Variants in KCNH3 observed in about 807,000 individuals in gnomAD.
KCNH3 encodes potassium voltage-gated channel subfamily H member 3, also known as voltage-gated inwardly rectifying potassium channel KCNH3.
A neutral mutation model predicts 95.6 loss-of-function variants in KCNH3; 36 were observed. That is an observed-to-expected ratio of 0.38 (90% confidence interval 0.29 to 0.50). The LOEUF is 0.50. Ranked by LOEUF, KCNH3 falls within the 20% of genes least tolerant of loss-of-function variation. KCNH3 has a pLI of 0.95. For synonymous variants in KCNH3, 620 were observed against 646.3 expected (o/e 0.96, Z 0.62); for missense variants, 1,030 against 1,484.1 (o/e 0.69, Z 5.03).
intron 2 of KCNH3, among the ~76,000 whole-genome samples, chr12:49,541,428 G>C (rs1259465328): frequency 1.3e-5 from 2 of 152,230 alleles, no homozygotes; most frequent in Admixed American, 1.3e-4. Context: ...CGACAGGTCT[G>C]ACCGTCATGT....
intron 7 of KCNH3, among the ~76,000 whole-genome samples, chr12:49,547,061 A>AT (rs1938087050): frequency 6.6e-6 from 1 of 151,840 alleles, no homozygotes; most frequent in Non-Finnish European, 1.5e-5. Context: ...TGCCTGGCTA[A>AT]TTTTTATATT....
rs762171007 is a variant in KCNH3, at chr12:49,540,987, C to T, written c.165C>T (p.Phe55=). ...CSDGFCDLTG[F]SRAEVMQRGC... ...ATGGCTTCTGTGACCTCACGGGCTT[C>T]TCCCGGGCTGAGGTCATGCAGCGGG... The change falls in exon 2 of 15, where the codon TTC becomes TTT. Residue 55 remains phenylalanine (F), a synonymous_variant. Coordinates refer to ENST00000257981, the MANE Select transcript of KCNH3 (RefSeq NM_012284.3). 6.2e-7 allele frequency: 1 copy of T among 1,614,178 alleles called. No homozygotes were observed. The highest frequency in any genetic ancestry group is 8.5e-7 in the Non-Finnish European group (1 of 1,180,028).
intron 2 of KCNH3, 124 bp from the exon 3 acceptor site, chr12:49,541,506 C>A: frequency 8.6e-7 from 1 of 1,162,142 alleles, no homozygotes; most frequent in Non-Finnish European, 1.2e-6. Context: ...GACTGCCAGC[C>A]CTTCCCCCAG....
chr12:49,549,019 G>C lies in KCNH3; in HGVS notation c.1314G>C (p.Thr438=). The C allele has an allele frequency of 6.2e-7, 1 of 1,611,834 alleles. No individual in the cohort carries two copies. Among genetic ancestry groups the C allele is most frequent in the Non-Finnish European group, 8.5e-7 (1 of 1,179,568 alleles). The change falls in exon 8 of 15, where the codon ACG becomes ACC. Residue 438 remains threonine (T), a synonymous_variant. Coordinates refer to ENST00000257981, the MANE Select transcript of KCNH3 (RefSeq NM_012284.3). ...GCAGCAGCAGCGAGGCCAACGGGAC[G>C]GGGCTGGAGCTGCTGGGCGGCCCGT... ...NCSSSSEANG[T]GLELLGGPSL...
intron 7 of KCNH3, among the ~76,000 whole-genome samples, chr12:49,545,409 T>A (rs1266273367): frequency 1.6e-4 from 24 of 147,208 alleles, no homozygotes; most frequent in Admixed American, 1.3e-3. Context: ...GTGGCTTTTT[T>A]TTTTTTTTTT....
Position 49,557,780 on chromosome 12 carries a change from A to C in KCNH3, c.3079A>C (p.Thr1027Pro). ...TCCTCCTTCTGAGGAAGGGGCTAGG[A>C]CTGGGCCCGCAGAGCCTGTGAGCCA... ...SPPPSEEGAR[T>P]GPAEPVSQAE... Residue 1027 changes from threonine (T) to proline (P), a missense_variant, in exon 15 of 15, where the codon ACT (threonine) becomes CCT (proline). Coordinates refer to ENST00000257981, the MANE Select transcript of KCNH3 (RefSeq NM_012284.3). The C allele has an allele frequency of 6.2e-7, 1 of 1,610,134 alleles. No individual in the cohort carries two copies. The highest frequency in any genetic ancestry group is 8.5e-7 in the Non-Finnish European group (1 of 1,177,786).
intron 13 of KCNH3, 62 bp from the exon 14 acceptor site, chr12:49,557,120 AC>A: frequency 6.6e-7 from 1 of 1,505,646 alleles, no homozygotes; most frequent in Non-Finnish European, 9.2e-7. Flanking sequence ...CAAGGCCTAG[AC>A]CCCCAAATTG....
Position 49,550,091 on chromosome 12 carries a change from C to T in KCNH3, c.1680C>T (p.Ser560=). The T allele has an allele frequency of 6.4e-7, 1 of 1,567,158 alleles. No individual in the cohort carries two copies. Among genetic ancestry groups the T allele is most frequent in the Non-Finnish European group, 8.7e-7 (1 of 1,151,914 alleles). Residue 560 remains serine (S), a synonymous_variant, in exon 10 of 15, where the codon AGC becomes AGT. Coordinates refer to ENST00000257981, the MANE Select transcript of KCNH3 (RefSeq NM_012284.3). ...CTGCTCACCTGCAGCTGCTGCAGAGCCTCCCTGACGAGCTGCGCGCAGACA... is the reference window on the plus strand; with the variant it reads ...CTGCTCACCTGCAGCTGCTGCAGAGTCTCCCTGACGAGCTGCGCGCAGACA... ...NGIDTTELLQ[S]LPDELRADIA...
rs1937802104 is a variant in KCNH3 at position 49,539,653 on chromosome 12, G to T, written c.76+161G>T. On this transcript the variant is annotated intron_variant, in intron 1 of 14. Transcript: ENST00000257981. This position sits in a 1 kb window ranked among gnomAD's most constrained non-coding sequence, Gnocchi z 6.7. ...CTGGGGCCATCGTCTCCTGCTAGGCGCTGTTTCCCCGAAGGTTCGAAGGTT... is the reference window on the plus strand; with the variant it reads ...CTGGGGCCATCGTCTCCTGCTAGGCTCTGTTTCCCCGAAGGTTCGAAGGTT... Among the ~76,000 whole-genome samples the T allele has an allele frequency of 6.6e-6, 1 of 152,136 alleles. No homozygotes were observed.
Position 49,539,370 on chromosome 12 carries a change from G to C in KCNH3, c.-47G>C. On this transcript the variant is annotated 5_prime_UTR_variant, in exon 1 of 15. Transcript: ENST00000257981. This position sits in a 1 kb window ranked among gnomAD's most constrained non-coding sequence, Gnocchi z 6.7. ...GCTGGGCGCCCTCCCCCGGCGCGGAGTCCCCGCACCCCGGAGGGATGGGGC... is the reference window on the plus strand; with the variant it reads ...GCTGGGCGCCCTCCCCCGGCGCGGACTCCCCGCACCCCGGAGGGATGGGGC... The C allele has an allele frequency of 7.4e-7, 1 of 1,342,762 alleles. No homozygotes were observed. Among genetic ancestry groups the C allele is most frequent in the South Asian group, 1.7e-5 (1 of 60,412 alleles). The allele number at this position is 1,342,762 out of a possible 1,614,324, so 83.2% of individuals were successfully genotyped here.
intron 5 of KCNH3, 22 bp from the exon 6 acceptor site, chr12:49,543,893 C>A: frequency 6.3e-7 from 1 of 1,595,668 alleles, no homozygotes; most frequent in East Asian, 2.3e-5. Context: ...CCAGTGCTGA[C>A]TCCCACCCGG....
At chr12:49,547,194 T>C (rs1938091157) in intron 7 of KCNH3, among the ~76,000 whole-genome samples, 1 of 152,116 alleles carries the variant, frequency 6.6e-6, no homozygotes, top group Admixed American at 6.5e-5. Context: ...CACCCAACCA[T>C]GTACTCCACT....
At chr12:49,553,313 C>CTGT (rs199602952) in intron 10 of KCNH3, among the ~76,000 whole-genome samples, 1 of 151,942 alleles carries the variant, frequency 6.6e-6, no homozygotes, top group Non-Finnish European at 1.5e-5. Context: ...ATTTTTGCTG[C>CTGT]TGTTGTTGTT....
chr12:49,552,042 C>G (rs909660607), intron 10 of KCNH3, among the ~76,000 whole-genome samples: 5 of 152,192 alleles, frequency 3.3e-5, no homozygotes, highest in African/African-American at 1.2e-4. Context: ...AGCTTTGGTG[C>G]CTACATGCGG....
chr12:49,544,542 A>G (rs1176777706), intron 7 of KCNH3, among the ~76,000 whole-genome samples, 160 bp downstream of exon 7: 1 of 152,158 alleles, frequency 6.6e-6, no homozygotes, highest in African/African-American at 2.4e-5. Context: ...AGCCACCACC[A>G]CGTGACGGGC....
At chr12:49,543,651 A>C (rs1937951894) in intron 5 of KCNH3, 133 bp downstream of exon 5, 13 of 1,286,800 alleles carry the variant, frequency 1.0e-5, no homozygotes, top group Non-Finnish European at 1.4e-5. Context: ...TGAGCTTTGA[A>C]ATCAGACCTA....
chr12:49,554,580 A>T lies in KCNH3; in HGVS notation c.2136+26A>T, dbSNP rs368268227. 44 of 1,585,284 alleles carry T rather than the reference A, an allele frequency of 2.8e-5. No individual in the cohort carries two copies. In the African/African-American group the frequency reaches 5.5e-4, roughly 20 times the overall value. ...GTGAGTGTGCTGAGTATGTGCTTGG[A>T]GGGGATGGGGGTGCCAGGGAGCCTG... On this transcript the variant is annotated intron_variant, in intron 11 of 14. Transcript: ENST00000257981.
chr12:49,557,286 G>T, intron 14 of KCNH3, 27 bp downstream of exon 14: 1 of 1,613,742 alleles, frequency 6.2e-7, no homozygotes, highest in Non-Finnish European at 8.5e-7. Context: ...GTGGAGGTGA[G>T]GGGGGCACCA....
rs1278779762 is a variant in KCNH3, at chr12:49,548,945, G to T, written c.1240G>T (p.Gly414Cys). The stretch of plus-strand genomic sequence containing the variant: ...ACTGGAGACTCCCTACTACCTGGTG[G>T]GCCGGAGGCCAGCTGGAGGGAACAG... ...RRLETPYYLV[G>C]RRPAGGNSSG... Residue 414 changes from glycine (G) to cysteine (C), a missense_variant, in exon 8 of 15, where the codon GGC becomes TGC. By Grantham distance (159) the Gly-to-Cys change is radical. Transcript: ENST00000257981. The T allele has an allele frequency of 6.2e-7, 1 of 1,603,010 alleles. No homozygotes were observed. The highest frequency in any genetic ancestry group is 8.5e-7 in the Non-Finnish European group (1 of 1,175,536).
Sources: allele counts gnomAD v4.1 joint callset (sites outside exome capture counted in the v4.1 genomes callset), GRCh38; gene constraint gnomAD v4.1.1; non-coding constraint Gnocchi (gnomAD v3.1); transcripts MANE v1.5; gene names NCBI Gene and HGNC (gene_info 2026-07-23, HGNC 2026-07-21).